The following ZDHHC13 variants were observed in gnomAD, a reference collection of about 807,000 sequenced individuals.
ZDHHC13 encodes zDHHC palmitoyltransferase 13.
A neutral mutation model predicts 86.0 loss-of-function variants in ZDHHC13; 85 were observed. The observed-to-expected ratio is 0.99, with a 90% CI of 0.83 to 1.18. ZDHHC13 has a LOEUF of 1.18. Among genes scored for constraint, ZDHHC13 ranks in the 50% most tolerant of loss-of-function variants. The probability of loss-of-function intolerance (pLI) is 0.00; values close to 1 mark genes in which losing one functional copy is unlikely to be tolerated. For missense variants in ZDHHC13, 711 were observed against 730.2 expected (o/e 0.97, Z 0.30); for synonymous variants, 263 against 246.4 (o/e 1.07, Z -0.63).
intron 13 of ZDHHC13, among the ~76,000 whole-genome samples, chr11:19,165,726 G>A (rs1850047101): frequency 6.6e-6 from 1 of 152,106 alleles, no homozygotes; most frequent in Non-Finnish European, 1.5e-5. Context: ...CCTCAGTTTC[G>A]TTTTCTGTGT....
intron 8 of ZDHHC13, among the ~76,000 whole-genome samples, chr11:19,155,294 A>G (rs1849724535): frequency 6.6e-6 from 1 of 152,200 alleles, no homozygotes; most frequent in South Asian, 2.1e-4. Flanking sequence ...TGTTTAAGTA[A>G]CATTTTATAA....
At chr11:19,152,470 A>T (rs1849639037) in intron 7 of ZDHHC13, 89 bp from the exon 8 acceptor site, 1 of 1,456,796 alleles carries the variant, frequency 6.9e-7, no homozygotes, top group Admixed American at 2.7e-5. Context: ...TAATGTGTTG[A>T]GTCTATGATT....
At chr11:19,138,595 G>T (rs1340228357) in intron 1 of ZDHHC13, among the ~76,000 whole-genome samples, 8 of 151,730 alleles carry the variant, frequency 5.3e-5, no homozygotes, top group African/African-American at 1.9e-4. Flanking sequence ...CCAAAGCCGG[G>T]CAGAGACACA....
chr11:19,135,096 G>C (rs566803064), intron 1 of ZDHHC13, among the ~76,000 whole-genome samples: 2 of 152,168 alleles, frequency 1.3e-5, no homozygotes, highest in African/African-American at 4.8e-5. Flanking sequence ...GAACAGCTCT[G>C]GTCTACAGCT....
chr11:19,130,599 G>A (rs1027605919), intron 1 of ZDHHC13, among the ~76,000 whole-genome samples: 1 of 152,050 alleles, frequency 6.6e-6, no homozygotes, highest in Non-Finnish European at 1.5e-5. Flanking sequence ...TCCACTTCGA[G>A]TTTAATTTTC....
intron 1 of ZDHHC13, among the ~76,000 whole-genome samples, chr11:19,124,703 A>G (rs777899585): frequency 6.6e-6 from 1 of 151,296 alleles, no homozygotes; most frequent in Non-Finnish European, 1.5e-5. Flanking sequence ...GTTTTTATTT[A>G]CATTTTAATC....
chr11:19,166,168 TAAAAG>T (rs1850059712), intron 13 of ZDHHC13, 129 bp from the exon 14 acceptor site: 3 of 698,058 alleles, frequency 4.3e-6, no homozygotes, highest in Non-Finnish European at 7.2e-6. Context: ...TAATGGTACT[TAAAAG>T]CAAAGCAACA....
At position 19,164,364 on chromosome 11, in the gene ZDHHC13, G is replaced by T. The variant is rs757105016; in HGVS notation, c.1296+1G>T. ...CAGAACATTTTGTACATCATGTCTT[G>T]TGAGTTTTTTCATATAATTTTTTTC... On this transcript the variant is annotated splice_donor_variant, in intron 12 of 16. Coordinates refer to ENST00000446113, the MANE Select transcript of ZDHHC13 (RefSeq NM_019028.3). LOFTEE classifies it high-confidence loss of function. 14 of 1,612,510 alleles carry T rather than the reference G, an allele frequency of 8.7e-6. No individual in the cohort carries two copies. Among genetic ancestry groups the T allele is most frequent in the Non-Finnish European group, 1.1e-5 (13 of 1,179,210 alleles).
At chr11:19,162,783 C>T (rs1175462613) in intron 10 of ZDHHC13, among the ~76,000 whole-genome samples, 1 of 152,074 alleles carries the variant, frequency 6.6e-6, no homozygotes, top group Non-Finnish European at 1.5e-5. Context: ...TATTTTGAGT[C>T]GTGTGTCGAT....
intron 2 of ZDHHC13, among the ~76,000 whole-genome samples, chr11:19,144,517 AAAGG>A (rs1849406396): frequency 1.3e-5 from 2 of 151,968 alleles, no homozygotes; most frequent in Admixed American, 1.3e-4. Flanking sequence ...TTTCTAAAAT[AAAGG>A]GAGTATTTAT....
intron 1 of ZDHHC13, among the ~76,000 whole-genome samples, chr11:19,126,701 T>A (rs1205160874): frequency 6.6e-6 from 1 of 152,010 alleles, no homozygotes; most frequent in South Asian, 2.1e-4. Context: ...CTCCCACTTA[T>A]AAGTGAGAAC....
intron 5 of ZDHHC13, 110 bp downstream of exon 5, chr11:19,149,441 A>G (rs371627596): frequency 1.8e-6 from 2 of 1,087,052 alleles, no homozygotes; most frequent in African/African-American, 3.2e-5. Flanking sequence ...ATGGATATCC[A>G]GATATTCAGA....
intron 15 of ZDHHC13, among the ~76,000 whole-genome samples, chr11:19,171,102 G>A (rs1850209762): frequency 6.6e-6 from 1 of 152,192 alleles, no homozygotes; most frequent in South Asian, 2.1e-4. Flanking sequence ...TTAAATGGAT[G>A]AGAGTGGTAA....
At chr11:19,133,868 G>A in intron 1 of ZDHHC13, among the ~76,000 whole-genome samples, 1 of 139,946 alleles carries the variant, frequency 7.1e-6, no homozygotes. Flanking sequence ...TTAGGTAGTG[G>A]TTTCATGGAG....
chr11:19,141,611 G>C (rs1849321517), intron 1 of ZDHHC13, among the ~76,000 whole-genome samples: 1 of 150,942 alleles, frequency 6.6e-6, no homozygotes, highest in African/African-American at 2.4e-5. Context: ...TGTAGTAATG[G>C]AAAGGAGAAA....
chr11:19,152,695 A>G lies in ZDHHC13; in HGVS notation c.873+11A>G, dbSNP rs1404816762. ...CTGCAGAAATGCGAGGTATTTTCAT[A>G]TGGGGTCTTTTCTATGGGATAGATG... On this transcript the variant is annotated intron_variant, in intron 8 of 16. Coordinates refer to ENST00000446113, the MANE Select transcript of ZDHHC13 (RefSeq NM_019028.3). 4 of 1,612,562 alleles carry G rather than the reference A, an allele frequency of 2.5e-6. No homozygotes were observed. Among genetic ancestry groups the G allele is most frequent in the African/African-American group, 2.7e-5 (2 of 74,876 alleles).
chr11:19,165,943 G>T (rs1181090696), intron 13 of ZDHHC13, among the ~76,000 whole-genome samples: 1 of 152,084 alleles, frequency 6.6e-6, no homozygotes, highest in East Asian at 1.9e-4. Flanking sequence ...CAAACATGTT[G>T]CATGGAAGGA....
chr11:19,120,459 A>G (rs1200437724), intron 1 of ZDHHC13, among the ~76,000 whole-genome samples: 1 of 152,240 alleles, frequency 6.6e-6, no homozygotes, highest in East Asian at 1.9e-4. Flanking sequence ...GCCAGGAAGA[A>G]GAAGCTGCCA....
chr11:19,120,057 A>T (rs1274618984), intron 1 of ZDHHC13, among the ~76,000 whole-genome samples: 1 of 152,238 alleles, frequency 6.6e-6, no homozygotes, highest in Non-Finnish European at 1.5e-5. Flanking sequence ...AACAATTCTT[A>T]TATACAATTT....
Sources: allele counts gnomAD v4.1 joint callset (sites outside exome capture counted in the v4.1 genomes callset), GRCh38; gene constraint gnomAD v4.1.1; transcripts MANE v1.5; gene names NCBI Gene and HGNC (gene_info 2026-07-23, HGNC 2026-07-21).